The following AOAH variants were observed in gnomAD, a reference collection of about 807,000 sequenced individuals.
AOAH encodes acyloxyacyl hydrolase (neutrophil).
Under a neutral mutation model 92.2 loss-of-function variants are expected in AOAH, and 64 were observed. That is an observed-to-expected ratio of 0.69 (90% CI 0.57 to 0.86). The LOEUF (loss-of-function observed/expected upper bound fraction) is 0.86. AOAH is among the 40% of genes least tolerant of loss of function. The pLI is 0.00. For synonymous variants in AOAH, 263 were observed against 254.5 expected (o/e 1.03, Z -0.32); for missense variants, 656 against 694.6 (o/e 0.94, Z 0.62).
At chr7:36,685,478 G>A (rs192738923) in intron 2 of AOAH, among the ~76,000 whole-genome samples, 18 of 152,208 alleles carry the variant, frequency 1.2e-4, no homozygotes, top group Admixed American at 6.5e-4. Context: ...TTTCAGTAAC[G>A]GATGAAGCTA....
intron 12 of AOAH, among the ~76,000 whole-genome samples, chr7:36,592,631 C>T (rs1239665399): frequency 6.6e-6 from 1 of 152,346 alleles, no homozygotes; most frequent in African/African-American, 2.4e-5. Context: ...ACAGACCCTA[C>T]CACTCTTGGC....
intron 14 of AOAH, among the ~76,000 whole-genome samples, chr7:36,549,109 A>G (rs1348699762): frequency 6.6e-6 from 1 of 152,178 alleles, no homozygotes; most frequent in African/African-American, 2.4e-5. Context: ...TCCAGTCAGG[A>G]CACCTCGAGC....
At chr7:36,582,230 G>A (rs899100638) in intron 12 of AOAH, among the ~76,000 whole-genome samples, 7 of 151,984 alleles carry the variant, frequency 4.6e-5, no homozygotes, top group East Asian at 1.9e-4. Context: ...ATCAAAATCC[G>A]GTCCAATGTG....
At chr7:36,626,508 C>T (rs906295480) in intron 6 of AOAH, among the ~76,000 whole-genome samples, 1 of 152,194 alleles carries the variant, frequency 6.6e-6, no homozygotes, top group African/African-American at 2.4e-5. Context: ...CTCCACAATC[C>T]CTTCTTCACA....
intron 6 of AOAH, among the ~76,000 whole-genome samples, 165 bp from the exon 7 acceptor site, chr7:36,623,415 C>A (rs1792427948): frequency 6.6e-6 from 1 of 152,180 alleles, no homozygotes; most frequent in African/African-American, 2.4e-5. Context: ...ACAGAGCCAG[C>A]AAAACTTTGC....
intron 4 of AOAH, among the ~76,000 whole-genome samples, chr7:36,644,949 C>T (rs78200585): frequency 5.9e-5 from 9 of 151,940 alleles, no homozygotes; most frequent in Admixed American, 1.3e-4. Context: ...GCTCATCTAC[C>T]CCAGATCTTT....
rs1795053323 is a variant in AOAH at position 36,659,178 on chromosome 7, G to A, written c.378C>T (p.Tyr126=). Residue 126 remains tyrosine, a synonymous_variant, in exon 4 of 21, where the codon TAC becomes TAT. Coordinates refer to ENST00000617537, the MANE Select transcript of AOAH (RefSeq NM_001637.4). ...QNTGQPLCHL[Y]PLPKETWKFT... ...ATTACACACTCACCTTGGGAAGAGG[G>A]TAGAGATGACACAATGGTTGGCCAG... The A allele has an allele frequency of 6.2e-7, 1 of 1,613,178 alleles. No individual in the cohort carries two copies. The highest frequency in any genetic ancestry group is 8.5e-7 in the Non-Finnish European group (1 of 1,179,228).
chr7:36,593,072 T>C lies in AOAH; in HGVS notation c.938+1267A>G, dbSNP rs573092049. Among the ~76,000 whole-genome samples the C allele has an allele frequency of 2.6e-4, 39 of 152,332 alleles. No homozygotes were observed. The East Asian group carries it at 6.9e-3, about 27-fold the overall frequency. ...TTACCCACCCAAAGGAAGTGACTGT[T>C]GATCACTTCCATGAACTCTTTTTCC... is the stretch of plus-strand genomic sequence containing the variant. On this transcript the variant is annotated intron_variant, in intron 12 of 20. Transcript: ENST00000617537.
intron 14 of AOAH, among the ~76,000 whole-genome samples, chr7:36,549,016 G>A (rs1185358880): frequency 6.6e-6 from 1 of 152,168 alleles, no homozygotes; most frequent in Non-Finnish European, 1.5e-5. Flanking sequence ...GAGTTATTGG[G>A]TTCCTTATGT....
intron 12 of AOAH, among the ~76,000 whole-genome samples, chr7:36,586,490 CT>C (rs1789329085): frequency 6.6e-6 from 1 of 152,160 alleles, no homozygotes; most frequent in Admixed American, 6.5e-5. Context: ...ACTGTAAGCC[CT>C]TCCAGTTTTC....
intron 12 of AOAH, among the ~76,000 whole-genome samples, chr7:36,591,990 G>T (rs187617070): frequency 6.6e-6 from 1 of 152,072 alleles, no homozygotes; most frequent in Non-Finnish European, 1.5e-5. Flanking sequence ...TTTAAATATC[G>T]GATCGGTATT....
rs781639506 is a variant in AOAH at position 36,557,865 on chromosome 7, T to G, written c.1022-8390A>C. 2.8e-3 allele frequency among the ~76,000 whole-genome samples: 422 copies of G among 151,940 alleles called. 1 individual carries two copies. The highest frequency in any genetic ancestry group is 4.2e-3 in the Non-Finnish European group (283 of 67,762). On this transcript the variant is annotated intron_variant, in intron 13 of 20. Coordinates refer to ENST00000617537, the MANE Select transcript of AOAH (RefSeq NM_001637.4). ...TCCTTTAAGCACTTCTCTGTATTGG[T>G]TATTCTAGTTATACATTCGTCTAAA... is the stretch of plus-strand genomic sequence containing the variant.
chr7:36,661,797 A>T (rs916615719), intron 3 of AOAH, among the ~76,000 whole-genome samples: 2 of 151,316 alleles, frequency 1.3e-5, no homozygotes, highest in Non-Finnish European at 2.9e-5. Context: ...TGCTCCCTTC[A>T]CTCTCCTCTC....
At chr7:36,644,627 G>A (rs1298840862) in intron 4 of AOAH, among the ~76,000 whole-genome samples, 1 of 152,078 alleles carries the variant, frequency 6.6e-6, no homozygotes, top group African/African-American at 2.4e-5. Flanking sequence ...TTCAGTAACT[G>A]GGCTTTCTAA....
chr7:36,639,206 C>T (rs1265855649), intron 4 of AOAH, among the ~76,000 whole-genome samples: 2 of 152,224 alleles, frequency 1.3e-5, no homozygotes, highest in East Asian at 3.8e-4. Context: ...GAAATTCTAG[C>T]AAACCCTAAA....
At position 36,540,496 on chromosome 7, in the gene AOAH, T is replaced by G; in HGVS notation, c.1134-5A>C. 1 of 1,601,442 alleles carries G rather than the reference T, an allele frequency of 6.2e-7. No homozygotes were observed. The highest frequency in any genetic ancestry group is 8.5e-7 in the Non-Finnish European group (1 of 1,174,184). ...GCTGGGACTGGGTCACTCTTCCTGT[T>G]GGTGGAATAAACAGAAAATATCTTG... On this transcript the variant is annotated splice_region_variant and splice_polypyrimidine_tract_variant and intron_variant, in intron 15 of 20. Coordinates refer to ENST00000617537, the MANE Select transcript of AOAH (RefSeq NM_001637.4).
intron 11 of AOAH, among the ~76,000 whole-genome samples, chr7:36,613,672 T>C (rs569446245): frequency 1.3e-5 from 2 of 152,190 alleles, no homozygotes; most frequent in Non-Finnish European, 2.9e-5. Context: ...TTCTGCACCA[T>C]CCAACTTGCA....
chr7:36,683,533 TA>T (rs1796777039), intron 2 of AOAH, among the ~76,000 whole-genome samples: 1 of 152,206 alleles, frequency 6.6e-6, no homozygotes, highest in Non-Finnish European at 1.5e-5. Flanking sequence ...TTAGAAAATA[TA>T]TTAATGATGG....
At chr7:36,723,540 A>G (rs1407262222) in intron 1 of AOAH, among the ~76,000 whole-genome samples, 1 of 152,120 alleles carries the variant, frequency 6.6e-6, no homozygotes, top group Non-Finnish European at 1.5e-5. Context: ...TGGTATCCCT[A>G]TGAGATGGGT....
Sources: gnomAD v4.1 joint callset for allele counts (sites outside exome capture counted in the v4.1 genomes callset) on GRCh38, gnomAD v4.1.1 for gene constraint, MANE v1.5 for transcripts, NCBI Gene and HGNC (gene_info 2026-07-23, HGNC 2026-07-21) for gene names.